Variants in RAPGEF2 observed in about 807,000 individuals in gnomAD.
RAPGEF2 encodes the protein PDZ domain containing guanine nucleotide exchange factor (GEF) 1.
A neutral mutation model predicts 186.7 loss-of-function variants in RAPGEF2; 54 were observed. The ratio of observed to expected loss-of-function variants is 0.29; its 90% CI spans 0.23 to 0.36. The LOEUF is 0.36. RAPGEF2 is among the 10% of genes least tolerant of loss of function. The probability of loss-of-function intolerance (pLI) is 1.00; values close to 1 mark genes in which losing one functional copy is unlikely to be tolerated. For missense variants in RAPGEF2, 1,532 were observed against 2,045.0 expected (o/e 0.75, Z 4.84); for synonymous variants, 712 against 705.9 (o/e 1.01, Z -0.14).
At chr4:159,304,314 A>C in intron 7 of RAPGEF2, 28 bp from the exon 8 acceptor site, 1 of 1,563,422 alleles carries the variant, frequency 6.4e-7, no homozygotes, top group Non-Finnish European at 8.7e-7. Context: ...TCAGATTGTA[A>C]TCCTAGTTTT....
chr4:159,141,811 G>A (rs1561005760), intron 1 of RAPGEF2, among the ~76,000 whole-genome samples: 1 of 152,116 alleles, frequency 6.6e-6, no homozygotes, highest in East Asian at 1.9e-4. Context: ...ATATTTTTAT[G>A]TGGTTAGTGG....
At chr4:159,218,546 A>C (rs1223442034) in intron 4 of RAPGEF2, among the ~76,000 whole-genome samples, 1 of 152,202 alleles carries the variant, frequency 6.6e-6, no homozygotes, top group Admixed American at 6.5e-5. Flanking sequence ...ACCTGAGGTC[A>C]GGAGTTCAAG....
chr4:159,175,101 G>GA (rs528447208), intron 1 of RAPGEF2, among the ~76,000 whole-genome samples: 4 of 152,130 alleles, frequency 2.6e-5, no homozygotes, highest in Non-Finnish European at 5.9e-5. Flanking sequence ...CGAGGCTGAA[G>GA]AAATATACGA....
chr4:159,253,446 T>C (rs1364091992), intron 7 of RAPGEF2, among the ~76,000 whole-genome samples: 5 of 152,250 alleles, frequency 3.3e-5, no homozygotes, highest in African/African-American at 1.2e-4. Context: ...ACCACAGATC[T>C]CATAAAGAAA....
At chr4:159,219,389 T>A (rs971122251) in intron 4 of RAPGEF2, among the ~76,000 whole-genome samples, 1 of 142,150 alleles carries the variant, frequency 7.0e-6, no homozygotes, top group African/African-American at 2.6e-5. Flanking sequence ...GGAGTCTTGC[T>A]CTGTTGCTCA....
At chr4:159,131,519 A>ATTTTTTTTTTTTTTTTTTTTTTTTTTTTT (rs35670450) in intron 1 of RAPGEF2, among the ~76,000 whole-genome samples, 2 of 37,210 alleles carry the variant, frequency 5.4e-5, no homozygotes, top group Non-Finnish European at 5.0e-5. Flanking sequence ...ATTAATTGCT[A>ATTTTTTTTTTTTTTTTTTTTTTTTTTTTT]TTTTTTTTTT....
At chr4:159,288,660 G>T (rs979376585) in intron 7 of RAPGEF2, among the ~76,000 whole-genome samples, 2 of 151,976 alleles carry the variant, frequency 1.3e-5, no homozygotes, top group Non-Finnish European at 2.9e-5. Flanking sequence ...AATCCCTACT[G>T]CCTGACCCCA....
At position 159,281,193 on chromosome 4, in the gene RAPGEF2, T is replaced by C. The variant is rs148206775; in HGVS notation, c.544-23149T>C. On this transcript the variant is annotated intron_variant, in intron 7 of 29. Transcript: ENST00000691494. ...TTTTAGTAGAGATGGGGTTTCACCA[T>C]GTTGGCCAAGATGGTCTCGCTCTTT... is the stretch of plus-strand genomic sequence containing the variant. Among the ~76,000 whole-genome samples, 447 of 151,982 alleles carry C rather than the reference T, an allele frequency of 2.9e-3. 1 individual carries two copies. The highest frequency in any genetic ancestry group is 0.01 in the African/African-American group (419 of 41,488).
At chr4:159,111,459 C>T (rs993325175) in intron 1 of RAPGEF2, among the ~76,000 whole-genome samples, 6 of 152,268 alleles carry the variant, frequency 3.9e-5, no homozygotes, top group Admixed American at 1.3e-4. Context: ...GTTGACAAAC[C>T]GACACAGTGT....
At chr4:159,340,585 C>T (rs780746653) in intron 19 of RAPGEF2, among the ~76,000 whole-genome samples, 4 of 151,906 alleles carry the variant, frequency 2.6e-5, no homozygotes, top group Non-Finnish European at 4.4e-5. Flanking sequence ...TATGCTCATT[C>T]TGTTTTGTCA....
At chr4:159,104,688 G>T (rs961525882) in intron 1 of RAPGEF2, among the ~76,000 whole-genome samples, 8 of 152,190 alleles carry the variant, frequency 5.3e-5, no homozygotes, top group African/African-American at 1.9e-4. Flanking sequence ...TGCTCCCTCT[G>T]ACTCCAGATC....
chr4:159,149,969 G>GA (rs1366571913), intron 1 of RAPGEF2, among the ~76,000 whole-genome samples: 1 of 151,994 alleles, frequency 6.6e-6, no homozygotes, highest in Non-Finnish European at 1.5e-5. Context: ...GTTGGATCTA[G>GA]AAAATTAGCC....
intron 7 of RAPGEF2, among the ~76,000 whole-genome samples, chr4:159,269,819 G>A (rs973708384): frequency 2.6e-5 from 4 of 152,072 alleles, no homozygotes; most frequent in African/African-American, 9.7e-5. Flanking sequence ...GCTACTATGG[G>A]CAACATAGTG....
At chr4:159,141,312 G>GTTC (rs1742304144) in intron 1 of RAPGEF2, among the ~76,000 whole-genome samples, 2 of 152,080 alleles carry the variant, frequency 1.3e-5, no homozygotes, top group African/African-American at 4.8e-5. Flanking sequence ...CATACACATA[G>GTTC]TTCTTGCCTT....
At chr4:159,305,600 G>C (rs1763185329) in intron 8 of RAPGEF2, among the ~76,000 whole-genome samples, 1 of 152,032 alleles carries the variant, frequency 6.6e-6, no homozygotes, top group African/African-American at 2.4e-5. Flanking sequence ...TGCATAGTTA[G>C]CAAATATTTC....
At chr4:159,141,544 C>A (rs75261752) in intron 1 of RAPGEF2, among the ~76,000 whole-genome samples, 3,137 of 151,960 alleles carry the variant, frequency 0.021, 107 homozygotes, top group African/African-American at 0.071. Flanking sequence ...AGATGCATAG[C>A]TTAGGTCCCT....
intron 3 of RAPGEF2, among the ~76,000 whole-genome samples, chr4:159,209,557 A>G (rs1249432886): frequency 6.6e-6 from 1 of 152,222 alleles, no homozygotes; most frequent in East Asian, 1.9e-4. Flanking sequence ...CCGTGAGGGC[A>G]GGGATCTTTT....
chr4:159,224,353 A>G (rs1751813657), intron 4 of RAPGEF2, among the ~76,000 whole-genome samples: 1 of 152,232 alleles, frequency 6.6e-6, no homozygotes. Context: ...CTGCTTGATT[A>G]CCACTCAAGC....
chr4:159,353,827 C>G lies in RAPGEF2; in HGVS notation c.4432C>G (p.Leu1478Val), dbSNP rs1232949765. The G allele has an allele frequency of 6.2e-7, 1 of 1,614,202 alleles. No homozygotes were observed. Among genetic ancestry groups the G allele is most frequent in the Non-Finnish European group, 8.5e-7 (1 of 1,180,032 alleles). ...CAGGCAAAATCAAAGTAGAGAGAGCCTTGAACAAGCCCAGTCCCGAGCAAG... is the reference window on the plus strand; with the variant it reads ...CAGGCAAAATCAAAGTAGAGAGAGCGTTGAACAAGCCCAGTCCCGAGCAAG... ...YNRQNQSRES[L>V]EQAQSRASWA... Residue 1478 changes from leucine to valine, a missense_variant, in exon 28 of 30, where the codon CTT becomes GTT. Transcript: ENST00000691494. The surrounding 1 kb of genome is among the most constrained non-coding windows in gnomAD (Gnocchi z 4.3).
Sources: allele counts gnomAD v4.1 joint callset (sites outside exome capture counted in the v4.1 genomes callset), GRCh38; gene constraint gnomAD v4.1.1; non-coding constraint Gnocchi (gnomAD v3.1); transcripts MANE v1.5; gene names NCBI Gene and HGNC (gene_info 2026-07-23, HGNC 2026-07-21).